Variants in ARHGAP24 observed in about 807,000 individuals in gnomAD.
ARHGAP24 encodes the protein rho GTPase-activating protein 24.
A neutral mutation model predicts 76.4 loss-of-function variants in ARHGAP24; 50 were observed. That is an observed-to-expected ratio of 0.65 (90% CI 0.52 to 0.83). The LOEUF is 0.83. Among genes scored for constraint, ARHGAP24 ranks in the 40% least tolerant of loss-of-function variants. ARHGAP24 has a pLI of 0.00. For synonymous variants in ARHGAP24, 345 were observed against 323.3 expected, an observed-to-expected ratio of 1.07 and a Z score of -0.72; for missense variants, 930 against 914.2, an observed-to-expected ratio of 1.02 and a Z score of -0.22.
At chr4:85,932,399 A>G (rs376228876) in intron 4 of ARHGAP24, among the ~76,000 whole-genome samples, 2 of 150,066 alleles carry the variant, frequency 1.3e-5, no homozygotes, top group African/African-American at 4.9e-5. Flanking sequence ...TTGTAACATG[A>G]GATGTCTGGA....
intron 4 of ARHGAP24, among the ~76,000 whole-genome samples, chr4:85,941,429 C>A (rs1736940092): frequency 6.6e-6 from 1 of 152,160 alleles, no homozygotes; most frequent in Non-Finnish European, 1.5e-5. Flanking sequence ...GCCACTGTGA[C>A]CCACCTCTCC....
rs1736287060 is a variant in ARHGAP24 at position 85,930,824 on chromosome 4, A to G, written c.391+7054A>G. On this transcript the variant is annotated intron_variant, in intron 4 of 9. Transcript: ENST00000395184. ...AAACCTTCAAATTCTAGGGATCAGCACTTCAAAAATAACAAGTAAACAAGC... is the reference window on the plus strand; with the variant it reads ...AAACCTTCAAATTCTAGGGATCAGCGCTTCAAAAATAACAAGTAAACAAGC... The G allele has an allele frequency of 5.7e-6, 9 of 1,570,196 alleles. No homozygotes were observed. The South Asian group carries it at 9.4e-5, about 16-fold the overall frequency.
intron 1 of ARHGAP24, among the ~76,000 whole-genome samples, chr4:85,528,050 A>G (rs984372094): frequency 6.6e-6 from 1 of 152,108 alleles, no homozygotes; most frequent in Non-Finnish European, 1.5e-5. Flanking sequence ...GAGTGCTACA[A>G]TAGCAGTGTT....
At chr4:85,655,766 C>CATATATATATATATATATATATAT (rs370571889) in intron 2 of ARHGAP24, among the ~76,000 whole-genome samples, 1 of 69,054 alleles carries the variant, frequency 1.4e-5, no homozygotes, top group African/African-American at 1.0e-4. Context: ...AGTGAGACTC[C>CATATATATATATATATATATATAT]ATATATATAT....
Position 85,727,614 on chromosome 4 carries a change from C to T in ARHGAP24, c.268+5642C>T, listed in dbSNP as rs149136066. ...AACGCTCTGGGATCCAATTCTCTTTCATTACCGAGTATACATTGCTGAAAT... is the reference window on the plus strand; with the variant it reads ...AACGCTCTGGGATCCAATTCTCTTTTATTACCGAGTATACATTGCTGAAAT... On this transcript the variant is annotated intron_variant, in intron 3 of 9. Transcript: ENST00000395184. Among the ~76,000 whole-genome samples the T allele has an allele frequency of 5.8e-3, 890 of 152,272 alleles. 7 individuals carry two copies. The highest frequency in any genetic ancestry group is 0.02 in the African/African-American group (839 of 41,546).
intron 1 of ARHGAP24, among the ~76,000 whole-genome samples, chr4:85,509,392 G>A (rs1296228208): frequency 6.6e-6 from 1 of 151,874 alleles, no homozygotes; most frequent in Non-Finnish European, 1.5e-5. Context: ...TTCTTAACTG[G>A]AAATGTCTTA....
intron 3 of ARHGAP24, among the ~76,000 whole-genome samples, chr4:85,822,934 G>T (rs1455361964): frequency 6.6e-6 from 1 of 152,096 alleles, no homozygotes; most frequent in Non-Finnish European, 1.5e-5. Flanking sequence ...GTGTACCCAT[G>T]AATATTTTTA....
intron 3 of ARHGAP24, among the ~76,000 whole-genome samples, chr4:85,726,537 C>G (rs1725174370): frequency 6.6e-6 from 1 of 152,124 alleles, no homozygotes; most frequent in African/African-American, 2.4e-5. Context: ...GCTTTGTTTC[C>G]TCTTGCTAAC....
At chr4:85,870,172 A>G (rs1732442873) in intron 3 of ARHGAP24, among the ~76,000 whole-genome samples, 1 of 152,174 alleles carries the variant, frequency 6.6e-6, no homozygotes, top group South Asian at 2.1e-4. Flanking sequence ...TCAGGAGAAC[A>G]ATAAAAGGGC....
chr4:85,822,243 T>G lies in ARHGAP24; in HGVS notation c.268+100271T>G, dbSNP rs1397560482. 2.0e-5 allele frequency among the ~76,000 whole-genome samples: 3 copies of G among 152,050 alleles called. No individual in the cohort carries two copies. The East Asian group carries it at 5.8e-4, about 29-fold the overall frequency. On this transcript the variant is annotated intron_variant, in intron 3 of 9. Coordinates refer to ENST00000395184, the MANE Select transcript of ARHGAP24 (RefSeq NM_001025616.3). ...TTGGTCTTTCTGTTTTTCCAGTCCC[T>G]CAAATGTTATTTCAACAAACCAAAA...
At position 85,584,365 on chromosome 4, in the gene ARHGAP24, C is replaced by T. The variant is rs1324626987; in HGVS notation, c.180+13644C>T. On this transcript the variant is annotated intron_variant, in intron 2 of 9. Coordinates refer to ENST00000395184, the MANE Select transcript of ARHGAP24 (RefSeq NM_001025616.3). The stretch of plus-strand genomic sequence containing the variant: ...GACAAAAAACCAAACACCACATGTT[C>T]TCACTCATAGATGCAAATTGAACAA... Among the ~76,000 whole-genome samples the T allele has an allele frequency of 6.0e-5, 9 of 150,582 alleles. No individual in the cohort carries two copies. In the East Asian group the frequency reaches 9.9e-4, roughly 17 times the overall value.
At chr4:85,675,309 A>G (rs1420778676) in intron 2 of ARHGAP24, among the ~76,000 whole-genome samples, 1 of 152,222 alleles carries the variant, frequency 6.6e-6, no homozygotes, top group Non-Finnish European at 1.5e-5. Context: ...TGAGAAATGC[A>G]CGTTGTATCA....
chr4:85,809,002 T>C (rs528579665), intron 3 of ARHGAP24, among the ~76,000 whole-genome samples: 11 of 152,292 alleles, frequency 7.2e-5, no homozygotes, highest in African/African-American at 2.6e-4. Context: ...TCCTCCCACC[T>C]TTCATCCAAT....
At chr4:85,895,201 TTAAAATAAAAGTAATATA>T (rs1255426960) in intron 3 of ARHGAP24, among the ~76,000 whole-genome samples, 1 of 151,880 alleles carries the variant, frequency 6.6e-6, no homozygotes, top group Non-Finnish European at 1.5e-5. Context: ...CAAAAAACTA[TTAAAATAAAAGTAATATA>T]TTTAGCATGT....
chr4:85,630,223 A>T (rs1305182534), intron 2 of ARHGAP24, among the ~76,000 whole-genome samples: 1 of 152,120 alleles, frequency 6.6e-6, no homozygotes, highest in South Asian at 2.1e-4. Context: ...TCCTTTGTTG[A>T]CATTCTCATT....
intron 1 of ARHGAP24, among the ~76,000 whole-genome samples, chr4:85,540,821 T>A (rs922035477): frequency 3.3e-5 from 5 of 152,152 alleles, no homozygotes; most frequent in Non-Finnish European, 7.3e-5. Flanking sequence ...AAAATTCTGC[T>A]TGTCTTGTTA....
intron 3 of ARHGAP24, among the ~76,000 whole-genome samples, chr4:85,834,919 C>G (rs572687172): frequency 2.0e-5 from 3 of 152,248 alleles, no homozygotes; most frequent in African/African-American, 7.2e-5. Flanking sequence ...GTAAAGAATA[C>G]TGAGAGTATA....
chr4:85,924,733 A>G (rs917888778), intron 4 of ARHGAP24: 23 of 152,202 alleles, frequency 1.5e-4, no homozygotes, highest in African/African-American at 5.5e-4. Flanking sequence ...GCTTAGTTTT[A>G]AAAGTTGGTA....
chr4:85,597,190 A>G (rs1719870416), intron 2 of ARHGAP24, among the ~76,000 whole-genome samples: 1 of 152,102 alleles, frequency 6.6e-6, no homozygotes, highest in East Asian at 1.9e-4. Flanking sequence ...TCTTTAACCA[A>G]TCTTAAGATG....
Sources: allele counts gnomAD v4.1 joint callset (sites outside exome capture counted in the v4.1 genomes callset), GRCh38; gene constraint gnomAD v4.1.1; transcripts MANE v1.5; gene names NCBI Gene and HGNC (gene_info 2026-07-23, HGNC 2026-07-21).